Variants in EYA1 observed in about 807,000 individuals in gnomAD.
EYA1 encodes EYA transcriptional coactivator and phosphatase 1, also known as protein phosphatase EYA1.
In EYA1, 16 loss-of-function variants were observed where a neutral mutation model predicts 82.0. The ratio of observed to expected loss-of-function variants is 0.20; its 90% confidence interval spans 0.13 to 0.30. The LOEUF (loss-of-function observed/expected upper bound fraction) is 0.30, where lower values mean the gene tolerates loss of function less well. Among genes scored for constraint, EYA1 ranks in the 10% least tolerant of loss-of-function variants. The probability of loss-of-function intolerance (pLI) is 1.00; values close to 1 mark genes in which losing one functional copy is unlikely to be tolerated. For synonymous variants in EYA1, 261 were observed against 264.4 expected (o/e 0.99, Z 0.12); for missense variants, 633 against 730.7 (o/e 0.87, Z 1.54).
Position 71,199,001 on chromosome 8 carries a change from GT to G in EYA1, c.*338del. On this transcript the variant is annotated 3_prime_UTR_variant, in exon 18 of 18. Transcript: ENST00000340726. ...TTAGGTTTGCTGTATTGGAGAAGCT[GT>G]TTATATCACATTGAAAATGCTAACA... 2.7e-6 allele frequency: 1 copy of G among 369,692 alleles called. No individual in the cohort carries two copies. The allele number at this position is 369,692 out of a possible 1,614,324, so 22.9% of individuals were successfully genotyped here. A position where few individuals can be genotyped will look rare whatever the true frequency, so the allele number is the denominator to read the frequency against.
At chr8:71,354,280 A>G (rs1826619290) in intron 3 of EYA1, among the ~76,000 whole-genome samples, 1 of 152,176 alleles carries the variant, frequency 6.6e-6, no homozygotes, top group Admixed American at 6.5e-5. Flanking sequence ...AAAATTATTT[A>G]TATTTTCATA....
At chr8:71,528,134 T>G (rs147456557) in intron 2 of EYA1, among the ~76,000 whole-genome samples, 126 of 152,148 alleles carry the variant, frequency 8.3e-4, no homozygotes, top group African/African-American at 2.9e-3. Flanking sequence ...ATGTTAAGAG[T>G]GCCAGATCAG....
chr8:71,438,931 T>C (rs560929412), intron 2 of EYA1, among the ~76,000 whole-genome samples: 1 of 152,002 alleles, frequency 6.6e-6, no homozygotes, highest in South Asian at 2.1e-4. Context: ...GGGAGAAAAA[T>C]CCTGAGATAA....
chr8:71,310,212 C>T (rs1821185860), intron 7 of EYA1, among the ~76,000 whole-genome samples: 1 of 150,450 alleles, frequency 6.6e-6, no homozygotes, highest in Admixed American at 6.7e-5. Flanking sequence ...GGAAAGATGG[C>T]ATTAAACATA....
chr8:71,317,629 T>G lies in EYA1; in HGVS notation c.479A>C (p.Gln160Pro). Residue 160 changes from glutamine to proline, a missense_variant, in exon 7 of 18, where the codon CAG becomes CCG. Gln to Pro is a moderately conservative substitution (Grantham distance 76, BLOSUM62 -1). Transcript: ENST00000340726. ...GGLSQSQSPG[Q>P]TGFLSYGTSF... ...TGTGCCATAGCTGAGAAATCCTGTC[T>G]GTCCAGGTGACTGAGACTGTGACAA... is the stretch of plus-strand genomic sequence containing the variant. The G allele has an allele frequency of 6.2e-7, 1 of 1,614,164 alleles. No individual in the cohort carries two copies. The highest frequency in any genetic ancestry group is 1.7e-5 in the Admixed American group (1 of 60,034).
intron 9 of EYA1, among the ~76,000 whole-genome samples, chr8:71,298,753 A>T (rs757814210): frequency 2.0e-4 from 30 of 152,222 alleles, no homozygotes; most frequent in Non-Finnish European, 3.2e-4. Context: ...AGTTATAGCT[A>T]AGTATTTATA....
intron 3 of EYA1, among the ~76,000 whole-genome samples, chr8:71,340,098 G>T (rs933543785): frequency 3.9e-5 from 6 of 152,110 alleles, no homozygotes; most frequent in Non-Finnish European, 8.8e-5. Context: ...CCCTGCTTTG[G>T]AAACAAATAT....
chr8:71,224,563 T>C (rs1175599674), intron 12 of EYA1, among the ~76,000 whole-genome samples: 1 of 152,262 alleles, frequency 6.6e-6, no homozygotes, highest in Non-Finnish European at 1.5e-5. Flanking sequence ...CTAAAAGAAG[T>C]ATTCCTCTTA....
intron 2 of EYA1, among the ~76,000 whole-genome samples, chr8:71,440,152 C>T (rs1343281333): frequency 3.9e-5 from 6 of 152,024 alleles, no homozygotes; most frequent in South Asian, 2.1e-4. Flanking sequence ...GGAGGTGTGA[C>T]GCAACACAAT....
chr8:71,402,167 C>T (rs1218419590), intron 2 of EYA1, among the ~76,000 whole-genome samples: 2 of 152,132 alleles, frequency 1.3e-5, no homozygotes, highest in African/African-American at 2.4e-5. Context: ...ACCAAATGGG[C>T]AGGTTTCTAC....
chr8:71,293,805 T>A (rs1463186153), intron 9 of EYA1, among the ~76,000 whole-genome samples: 1 of 109,314 alleles, frequency 9.1e-6, no homozygotes, highest in Non-Finnish European at 2.2e-5. Context: ...ACAAAGAACA[T>A]CAAAAAACAA....
chr8:71,201,822 C>T (rs540383027), intron 17 of EYA1, among the ~76,000 whole-genome samples: 1 of 152,226 alleles, frequency 6.6e-6, no homozygotes, highest in African/African-American at 2.4e-5. Context: ...ATTTAACCAC[C>T]TACTTGGTAT....
chr8:71,438,966 T>G (rs1463186359), intron 2 of EYA1, among the ~76,000 whole-genome samples: 2 of 151,910 alleles, frequency 1.3e-5, no homozygotes, highest in African/African-American at 4.8e-5. Flanking sequence ...AGGCAGCAAG[T>G]GAAACTCAAG....
At chr8:71,200,706 T>C (rs1417827234) in intron 17 of EYA1, among the ~76,000 whole-genome samples, 1 of 151,978 alleles carries the variant, frequency 6.6e-6, no homozygotes, top group African/African-American at 2.4e-5. Context: ...GTGTCAGGTG[T>C]AGAAGATATA....
intron 9 of EYA1, among the ~76,000 whole-genome samples, chr8:71,290,320 T>C (rs1818859369): frequency 1.3e-5 from 2 of 152,186 alleles, no homozygotes; most frequent in Admixed American, 6.5e-5. Context: ...AATGCCGATG[T>C]CCTCCAACTT....
At chr8:71,493,068 T>C (rs1324754264) in intron 2 of EYA1, among the ~76,000 whole-genome samples, 1 of 152,220 alleles carries the variant, frequency 6.6e-6, no homozygotes. Flanking sequence ...TCCAGCCCCA[T>C]CCATGTTCCT....
chr8:71,405,606 G>A (rs1830177228), intron 2 of EYA1, among the ~76,000 whole-genome samples: 1 of 152,128 alleles, frequency 6.6e-6, no homozygotes, highest in Admixed American at 6.6e-5. Flanking sequence ...AAATTAGAAT[G>A]GGTGAATAAA....
intron 2 of EYA1, among the ~76,000 whole-genome samples, chr8:71,517,708 T>C (rs1309067244): frequency 2.1e-5 from 1 of 47,902 alleles, no homozygotes; most frequent in Non-Finnish European, 4.5e-5. Flanking sequence ...GAAAACATAC[T>C]ATATATATAT....
intron 4 of EYA1, among the ~76,000 whole-genome samples, chr8:71,330,827 G>A (rs1170891137): frequency 6.6e-6 from 1 of 151,718 alleles, no homozygotes; most frequent in Non-Finnish European, 1.5e-5. Context: ...TCTCCAACAT[G>A]TTATTAGCTT....
Sources: allele counts gnomAD v4.1 joint callset (sites outside exome capture counted in the v4.1 genomes callset), GRCh38; gene constraint gnomAD v4.1.1; transcripts MANE v1.5; gene names NCBI Gene and HGNC (gene_info 2026-07-23, HGNC 2026-07-21).